SLC6A13: variants seen among roughly 807,000 people sequenced by gnomAD.
The protein encoded by SLC6A13 is solute carrier family 6 member 13.
A neutral mutation model predicts 72.9 loss-of-function variants in SLC6A13; 69 were observed. That is an observed-to-expected ratio of 0.95 (90% CI 0.78 to 1.16). SLC6A13 has a LOEUF of 1.16. Among genes scored for constraint, SLC6A13 ranks in the 50% most tolerant of loss-of-function variants. The probability of loss-of-function intolerance (pLI) is 0.00; values close to 1 mark genes in which losing one functional copy is unlikely to be tolerated. For missense variants in SLC6A13, 735 were observed against 760.5 expected (o/e 0.97, Z 0.39); for synonymous variants, 303 against 303.0 (o/e 1.00, Z 0.00).
At chr12:230,526 A>G (rs1941667415) in intron 7 of SLC6A13, among the ~76,000 whole-genome samples, 1 of 152,192 alleles carries the variant, frequency 6.6e-6, no homozygotes, top group African/African-American at 2.4e-5. Context: ...ATAATAACAA[A>G]TAAAATAATG....
At chr12:251,444 C>T (rs1430327088) in intron 2 of SLC6A13, among the ~76,000 whole-genome samples, 1 of 152,116 alleles carries the variant, frequency 6.6e-6, no homozygotes, top group African/African-American at 2.4e-5. Flanking sequence ...AACTTCAACC[C>T]ATATCTTCAC....
chr12:259,770 C>T, intron 2 of SLC6A13, 81 bp downstream of exon 2: 1 of 1,613,978 alleles, frequency 6.2e-7, no homozygotes, highest in East Asian at 2.2e-5. Context: ...TATGGGACTC[C>T]CCAGAGGGGC....
At position 237,261 on chromosome 12, in the gene SLC6A13, A is replaced by T. The variant is rs1193581082; in HGVS notation, c.593T>A (p.Ile198Asn). 1.2e-6 allele frequency: 2 copies of T among 1,614,180 alleles called. No individual in the cohort carries two copies. Residue 198 changes from isoleucine to asparagine, a missense_variant, in exon 6 of 15, where the codon ATC (isoleucine) becomes AAC (asparagine). By Grantham distance (149) the Ile-to-Asn change is moderately radical (BLOSUM62 -3). Transcript: ENST00000343164. ...CCAGCGCAGGGCCCCCAGGTGCTGG[A>T]TCCCATCAGAGATCTTCAAGACCCG... ...ERRVLKISDG[I>N]QHLGALRWEL...
intron 11 of SLC6A13, 107 bp downstream of exon 11, chr12:223,885 C>T: frequency 3.8e-6 from 5 of 1,308,540 alleles, no homozygotes; most frequent in South Asian, 1.3e-5. Context: ...GTCCAGAAGC[C>T]CAGAAGACCT....
At chr12:235,538 G>A (rs1219360905) in intron 6 of SLC6A13, among the ~76,000 whole-genome samples, 4 of 151,960 alleles carry the variant, frequency 2.6e-5, no homozygotes, top group South Asian at 2.1e-4. Context: ...ATCTTCATAA[G>A]CTGAGGATGT....
chr12:223,091 A>G (rs751570103), intron 12 of SLC6A13, 41 bp downstream of exon 12: 3 of 1,265,338 alleles, frequency 2.4e-6, no homozygotes, highest in Admixed American at 1.7e-5. Flanking sequence ...AGACCCTTAG[A>G]CAAGAGGAGG....
chr12:232,664 G>A (rs1483665652), intron 7 of SLC6A13, among the ~76,000 whole-genome samples: 1 of 152,198 alleles, frequency 6.6e-6, no homozygotes, highest in Admixed American at 6.5e-5. Flanking sequence ...GCGTGGACAT[G>A]AGGCAGTAGC....
In SLC6A13 at chr12:262,722, A is replaced by C. The variant is rs1942967904; in HGVS notation, c.-6+67T>G. ...AAAAAGTCCTTTGGTTGTAAGTCCCATGGATCCCACCAACCTGCAGTCTGA... is the reference window on the plus strand; with the variant it reads ...AAAAAGTCCTTTGGTTGTAAGTCCCCTGGATCCCACCAACCTGCAGTCTGA... On this transcript the variant is annotated intron_variant, in intron 1 of 14. Transcript: ENST00000343164. 3.0e-6 allele frequency: 3 copies of C among 984,528 alleles called. No individual in the cohort carries two copies. The African/African-American group carries it at 5.2e-5, about 17-fold the overall frequency. 61.0% of individuals were successfully genotyped at this position (984,528 alleles called of 1,614,324 possible).
At chr12:262,620 A>G (rs524468) in intron 1 of SLC6A13, 169 bp downstream of exon 1, 250,849 of 907,414 alleles carry the variant, frequency 0.28, 37,504 homozygotes, top group African/African-American at 0.54. Flanking sequence ...AAGTTTCAGA[A>G]AGTCAAGAAA....
intron 7 of SLC6A13, among the ~76,000 whole-genome samples, chr12:234,446 C>A (rs1246391876): frequency 6.6e-6 from 1 of 152,166 alleles, no homozygotes; most frequent in Non-Finnish European, 1.5e-5. Flanking sequence ...GGCTGCCCTG[C>A]CTATGGAGTA....
In SLC6A13 at chr12:220,841, T is replaced by G. The variant is rs1941171595; in HGVS notation, c.*107A>C. 7.1e-7 allele frequency: 1 copy of G among 1,410,544 alleles called. No individual in the cohort carries two copies. The allele number at this position is 1,410,544 out of a possible 1,614,324, so 87.4% of individuals were successfully genotyped here. ...ACTCCAAAATACCCCTCTTGTCTTA[T>G]CCACTCCAGGTCGGGGGCAGGGAAG... On this transcript the variant is annotated 3_prime_UTR_variant, in exon 15 of 15. Coordinates refer to ENST00000343164, the MANE Select transcript of SLC6A13 (RefSeq NM_016615.5).
intron 3 of SLC6A13, 101 bp downstream of exon 3, chr12:243,578 T>C: frequency 8.3e-7 from 1 of 1,209,034 alleles, no homozygotes; most frequent in Non-Finnish European, 1.2e-6. Flanking sequence ...ACTCGGGATC[T>C]TATCTTAACC....
intron 8 of SLC6A13, among the ~76,000 whole-genome samples, chr12:227,171 C>T (rs536036031): frequency 1.3e-5 from 2 of 151,914 alleles, no homozygotes; most frequent in Non-Finnish European, 2.9e-5. Flanking sequence ...CGCAAATTGC[C>T]ATTTTAAGCA....
chr12:230,475 TAACCTCCCTG>T (rs147905447), intron 7 of SLC6A13, among the ~76,000 whole-genome samples: 11,623 of 152,238 alleles, frequency 0.076, 599 homozygotes, highest in Middle Eastern at 0.11. Flanking sequence ...GCAAGTCACT[TAACCTCCCTG>T]AACCTCCCTT....
chr12:237,187 T>G lies in SLC6A13; in HGVS notation c.667A>C (p.Ile223Leu), dbSNP rs1165802316. 1 of 1,614,100 alleles carries G rather than the reference T, an allele frequency of 6.2e-7. No homozygotes were observed. The highest frequency in any genetic ancestry group is 8.5e-7 in the Non-Finnish European group (1 of 1,179,986). ...LLAWVICYFC[I>L]WKGVKSTGKV... The stretch of plus-strand genomic sequence containing the variant: ...CCTGTGGACTTCACCCCCTTCCAGA[T>G]GCAGAAGTAGCAGATGACCCAGGCC... Residue 223 changes from isoleucine to leucine, a missense_variant, in exon 6 of 15, where the codon ATC becomes CTC. Transcript: ENST00000343164.
chr12:245,996 T>C (rs566287001), intron 2 of SLC6A13, among the ~76,000 whole-genome samples: 1 of 151,890 alleles, frequency 6.6e-6, no homozygotes, highest in African/African-American at 2.4e-5. Context: ...TGGGTGCCTA[T>C]AGTCCCAGCT....
intron 7 of SLC6A13, among the ~76,000 whole-genome samples, chr12:232,181 T>C (rs1182836873): frequency 3.3e-5 from 5 of 152,226 alleles, no homozygotes; most frequent in Non-Finnish European, 1.5e-5. Flanking sequence ...CATGAATCTG[T>C]TGTGGAAACA....
chr12:224,090 T>C lies in SLC6A13; in HGVS notation c.1213A>G (p.Met405Val), dbSNP rs752147298. 8 of 1,614,078 alleles carry C rather than the reference T, an allele frequency of 5.0e-6. No homozygotes were observed. The highest frequency in any genetic ancestry group is 1.1e-5 in the South Asian group (1 of 91,084). Reference sequence around the variant, plus strand: ...TTCTTGCGGAACACGTGAGGGTACATGTCCACCAGCGCTGTCACCAGGCTT... The same window carrying C: ...TTCTTGCGGAACACGTGAGGGTACACGTCCACCAGCGCTGTCACCAGGCTT... ...VESLVTALVD[M>V]YPHVFRKKNR... The change falls in exon 11 of 15, where the codon ATG (methionine) becomes GTG (valine). Residue 405 changes from methionine (M) to valine (V), a missense_variant. By Grantham distance (21) the Met-to-Val change is conservative. Coordinates refer to ENST00000343164, the MANE Select transcript of SLC6A13 (RefSeq NM_016615.5).
chr12:227,504 G>T (rs996407454), intron 8 of SLC6A13, 61 bp downstream of exon 8: 2 of 1,607,816 alleles, frequency 1.2e-6, no homozygotes, highest in South Asian at 2.2e-5. Context: ...CTCGTCTAGC[G>T]TGGCTGGAAG....
Sources: gnomAD v4.1 joint callset for allele counts (sites outside exome capture counted in the v4.1 genomes callset) on GRCh38, gnomAD v4.1.1 for gene constraint, MANE v1.5 for transcripts, NCBI Gene and HGNC (gene_info 2026-07-23, HGNC 2026-07-21) for gene names.